Variants in GCA observed in about 807,000 individuals in gnomAD.
GCA encodes grancalcin, EF-hand calcium-binding protein.
GCA carries 30 observed loss-of-function variants against 32.6 expected under a neutral mutation model. That is an observed-to-expected ratio of 0.92 (90% CI 0.69 to 1.25). The LOEUF (loss-of-function observed/expected upper bound fraction) is 1.25, where lower values mean the gene tolerates loss of function less well. Ranked by LOEUF, GCA falls within the 50% of genes most tolerant of loss-of-function variation. The pLI is 0.00. For synonymous variants in GCA, 102 were observed against 84.6 expected, an observed-to-expected ratio of 1.21 and a Z score of -1.13; for missense variants, 291 against 266.8, an observed-to-expected ratio of 1.09 and a Z score of -0.63.
chr2:162,352,299 A>C (rs780002924), intron 2 of GCA, 39 bp from the exon 3 acceptor site: 55 of 1,162,218 alleles, frequency 4.7e-5, no homozygotes, highest in Non-Finnish European at 7.0e-5. Flanking sequence ...GCTTTTATAC[A>C]ACTGCACATT....
intron 4 of GCA, among the ~76,000 whole-genome samples, chr2:162,368,257 T>G (rs73971847): frequency 6.6e-6 from 1 of 151,428 alleles, no homozygotes; most frequent in East Asian, 1.9e-4. Context: ...GAAACATATT[T>G]GTTTTACTGT....
intron 2 of GCA, among the ~76,000 whole-genome samples, chr2:162,350,516 C>T (rs1300558696): frequency 6.6e-6 from 1 of 151,986 alleles, no homozygotes; most frequent in Non-Finnish European, 1.5e-5. Context: ...TATACCATTG[C>T]CATTTTAAAG....
chr2:162,371,773 G>A, downstream of GCA: 1 of 1,493,006 alleles, frequency 6.7e-7, no homozygotes, highest in Non-Finnish European at 9.2e-7. Context: ...AATAGAAAAA[G>A]GAAAACAGCC....
At chr2:162,346,424 A>G (rs1222282397) in intron 1 of GCA, among the ~76,000 whole-genome samples, 1 of 151,876 alleles carries the variant, frequency 6.6e-6, no homozygotes, top group Non-Finnish European at 1.5e-5. Context: ...ATTCTTTACC[A>G]CTCCCCTTAT....
chr2:162,340,526 C>G (rs1347419075), upstream of GCA, among the ~76,000 whole-genome samples: 2 of 152,200 alleles, frequency 1.3e-5, no homozygotes, highest in Non-Finnish European at 2.9e-5. Context: ...TCTACACTAA[C>G]CTCCTTCTGT....
intron 1 of GCA, among the ~76,000 whole-genome samples, chr2:162,339,117 T>C (rs529474975): frequency 6.6e-6 from 1 of 152,316 alleles, no homozygotes; most frequent in South Asian, 2.1e-4. Flanking sequence ...ATAATATTTA[T>C]TTTTGTCTTA....
chr2:162,338,024 A>T (rs1334322602), intron 1 of GCA, among the ~76,000 whole-genome samples: 1 of 152,190 alleles, frequency 6.6e-6, no homozygotes, highest in African/African-American at 2.4e-5. Context: ...AACTGCTTTG[A>T]TCTGTGTCTA....
At chr2:162,352,797 C>T (rs778438403) in intron 3 of GCA, among the ~76,000 whole-genome samples, 1 of 152,184 alleles carries the variant, frequency 6.6e-6, no homozygotes, top group Non-Finnish European at 1.5e-5. Flanking sequence ...CACAGAGGAA[C>T]ATTTCCCATC....
rs2105329520 is a variant in GCA at position 162,352,356 on chromosome 2, G to A, written c.211G>A (p.Glu71Lys). 1 of 1,585,852 alleles carries A rather than the reference G, an allele frequency of 6.3e-7. No individual in the cohort carries two copies. The highest frequency in any genetic ancestry group is 8.7e-7 in the Non-Finnish European group (1 of 1,154,530). The change falls in exon 3 of 8, where the codon GAA (glutamate) becomes AAA (lysine). Residue 71 changes from glutamate to lysine, a missense_variant. Transcript: ENST00000437150. ...VAGQDGEVDAEELQRCLTQSG... is the reference protein window; with the variant it reads ...VAGQDGEVDAKELQRCLTQSG... ...TAAACAGGATGGTGAAGTGGATGCT[G>A]AAGAACTTCAGAGATGTTTGACACA...
intron 1 of GCA, among the ~76,000 whole-genome samples, chr2:162,321,716 T>A (rs892259292): frequency 2.0e-5 from 3 of 151,816 alleles, no homozygotes; most frequent in African/African-American, 7.3e-5. Context: ...TGGTATCATG[T>A]CAGAAGTTTG....
intron 4 of GCA, among the ~76,000 whole-genome samples, chr2:162,369,986 C>T (rs1340195466): frequency 6.6e-6 from 1 of 152,052 alleles, no homozygotes; most frequent in Non-Finnish European, 1.5e-5. Flanking sequence ...GAATAATGCA[C>T]TTGAACATTT....
intron 3 of GCA, 146 bp downstream of exon 3, chr2:162,352,553 A>G: frequency 3.4e-6 from 2 of 591,936 alleles, no homozygotes; most frequent in Admixed American, 3.2e-5. Context: ...AAAACTCGTT[A>G]TGAAAATAAC....
chr2:162,375,071 T>A (rs868068927), downstream of GCA, among the ~76,000 whole-genome samples: 84 of 152,334 alleles, frequency 5.5e-4, no homozygotes, highest in African/African-American at 1.9e-3. Flanking sequence ...ATATGTTATC[T>A]GTATCCCAAA....
exon 1 of GCA, chr2:162,319,127 T>C (rs1205434926): frequency 2.2e-6 from 1 of 456,610 alleles, no homozygotes; most frequent in East Asian, 6.9e-5. Context: ...GAAGACATCT[T>C]TGCAGAGATG....
intron 4 of GCA, among the ~76,000 whole-genome samples, chr2:162,370,804 G>C (rs970269348): frequency 6.6e-6 from 1 of 151,992 alleles, no homozygotes; most frequent in African/African-American, 2.4e-5. Context: ...TTACTGTATT[G>C]TCAGGCAGGA....
At chr2:162,345,537 C>G (rs1222886424) in intron 1 of GCA, among the ~76,000 whole-genome samples, 1 of 152,148 alleles carries the variant, frequency 6.6e-6, no homozygotes, top group Non-Finnish European at 1.5e-5. Flanking sequence ...TGCTTCCTTA[C>G]CCACTTTTGT....
intron 1 of GCA, among the ~76,000 whole-genome samples, chr2:162,333,370 C>T (rs1351356443): frequency 6.6e-6 from 1 of 151,972 alleles, no homozygotes; most frequent in African/African-American, 2.4e-5. Flanking sequence ...TCTGATTATT[C>T]CTTAAATAAT....
intron 1 of GCA, among the ~76,000 whole-genome samples, chr2:162,323,711 A>G (rs1018418931): frequency 3.3e-5 from 5 of 151,916 alleles, no homozygotes; most frequent in African/African-American, 4.9e-5. Flanking sequence ...CAAAGATCAG[A>G]TAGTTGTAGA....
downstream of GCA, among the ~76,000 whole-genome samples, chr2:162,363,413 C>G (rs1685657618): frequency 6.6e-6 from 1 of 151,132 alleles, no homozygotes; most frequent in African/African-American, 2.4e-5. Flanking sequence ...ATACATAATG[C>G]TAAAATATCA....
Sources: allele counts gnomAD v4.1 joint callset (sites outside exome capture counted in the v4.1 genomes callset), GRCh38; gene constraint gnomAD v4.1.1; transcripts MANE v1.5; gene names NCBI Gene and HGNC (gene_info 2026-07-23, HGNC 2026-07-21).